NTN1: variants seen among roughly 807,000 people sequenced by gnomAD.
NTN1 encodes the protein netrin-1.
Under a neutral mutation model 54.2 loss-of-function variants are expected in NTN1, and 11 were observed. That is an observed-to-expected ratio of 0.20 (90% CI 0.13 to 0.34). The LOEUF is 0.34. Ranked by LOEUF, NTN1 falls within the 10% of genes least tolerant of loss-of-function variation. The probability of loss-of-function intolerance (pLI) is 1.00; values close to 1 mark genes in which losing one functional copy is unlikely to be tolerated. For missense variants in NTN1, 740 were observed against 893.1 expected (o/e 0.83, Z 2.18); for synonymous variants, 371 against 382.0 (o/e 0.97, Z 0.33).
chr17:9,191,865 T>TAAAAAA (rs60675960), intron 5 of NTN1, among the ~76,000 whole-genome samples: 11 of 89,180 alleles, frequency 1.2e-4, no homozygotes, highest in African/African-American at 4.8e-4. Context: ...TTATCGCTAC[T>TAAAAAA]AAAAAAAAAA....
chr17:9,065,926 A>G (rs191477088), intron 2 of NTN1, among the ~76,000 whole-genome samples: 74 of 152,368 alleles, frequency 4.9e-4, no homozygotes, highest in African/African-American at 1.5e-3. Flanking sequence ...TGGCTTCCCC[A>G]CTAGAATATC....
chr17:9,243,872 TTC>T lies in NTN1; in HGVS notation c.*3906_*3907del, dbSNP rs1463162250. The stretch of plus-strand genomic sequence containing the variant: ...ACATGGAAAAAGTTGTGGATTTTCT[TTC>T]TTTCCTTTTTTTTGGGGGGGGGTGG... On this transcript the variant is annotated 3_prime_UTR_variant, in exon 7 of 7. Transcript: ENST00000173229. The T allele has an allele frequency of 1.4e-5, 2 of 140,402 alleles. No homozygotes were observed. Among genetic ancestry groups the T allele is most frequent in the Non-Finnish European group, 3.1e-5 (2 of 64,512 alleles). 8.7% of individuals were successfully genotyped at this position (140,402 alleles called of 1,614,324 possible). A position where few individuals can be genotyped will look rare whatever the true frequency, so the allele number is the denominator to read the frequency against.
upstream of NTN1, among the ~76,000 whole-genome samples, chr17:9,020,590 A>C (rs775744197): frequency 2.6e-5 from 4 of 152,218 alleles, no homozygotes; most frequent in African/African-American, 7.2e-5. Flanking sequence ...CGGGACCCTC[A>C]GTTTCCTCAT....
chr17:9,003,140 G>T, the NTN1 span, among the ~76,000 whole-genome samples: 11 of 152,224 alleles, frequency 7.2e-5, no homozygotes, highest in African/African-American at 2.6e-4. The surrounding 1 kb of genome is among the most constrained non-coding windows in gnomAD (Gnocchi z 7.4). Context: ...CGGCGCCTCG[G>T]GGAGGTAAGT....
At chr17:9,193,933 A>AAAACAAAACAAACAAAC (rs901939164) in intron 5 of NTN1, among the ~76,000 whole-genome samples, 4 of 140,090 alleles carry the variant, frequency 2.9e-5, no homozygotes, top group African/African-American at 1.1e-4. Context: ...AAAAAAAAAA[A>AAAACAAAACAAACAAAC]AAAAAAAAAA....
intron 2 of NTN1, among the ~76,000 whole-genome samples, chr17:9,041,663 A>G (rs917944668): frequency 1.3e-5 from 2 of 152,122 alleles, no homozygotes; most frequent in Non-Finnish European, 2.9e-5. Context: ...TTTTGTGTGG[A>G]CATCTGCTTT....
chr17:9,128,422 G>A (rs1333742318), intron 2 of NTN1, among the ~76,000 whole-genome samples: 1 of 152,132 alleles, frequency 6.6e-6, no homozygotes, highest in East Asian at 1.9e-4. Flanking sequence ...GATGCTTCTG[G>A]CAACCAGCCC....
At chr17:9,144,050 C>T (rs1407964303) in intron 2 of NTN1, among the ~76,000 whole-genome samples, 1 of 152,078 alleles carries the variant, frequency 6.6e-6, no homozygotes, top group Non-Finnish European at 1.5e-5. Flanking sequence ...CACGCACCAC[C>T]ATGTCCGGCT....
chr17:9,210,432 A>ACC (rs750052683), intron 5 of NTN1, among the ~76,000 whole-genome samples: 97 of 77,414 alleles, frequency 1.3e-3, no homozygotes, highest in African/African-American at 5.7e-3. Context: ...ACACACACAC[A>ACC]CACCCCCACA....
chr17:9,075,776 G>A (rs764348401), intron 2 of NTN1, among the ~76,000 whole-genome samples: 29 of 152,192 alleles, frequency 1.9e-4, no homozygotes, highest in Admixed American at 1.6e-3. Flanking sequence ...CAGTCCCAGC[G>A]CTGCAGGGAA....
chr17:9,204,150 G>A (rs904749366), intron 5 of NTN1, among the ~76,000 whole-genome samples: 1 of 148,126 alleles, frequency 6.8e-6, no homozygotes, highest in African/African-American at 2.6e-5. Context: ...CAACAGGAGT[G>A]CAAGGATAGA....
chr17:9,225,163 G>A (rs903830037), intron 6 of NTN1, among the ~76,000 whole-genome samples: 1 of 152,110 alleles, frequency 6.6e-6, no homozygotes, highest in African/African-American at 2.4e-5. Flanking sequence ...GCTGAGGCAG[G>A]AGAATTGTTT....
intron 2 of NTN1, among the ~76,000 whole-genome samples, chr17:9,038,670 C>T (rs915111929): frequency 3.7e-4 from 57 of 152,264 alleles, no homozygotes; most frequent in African/African-American, 1.3e-3. Context: ...CTGTTCCCTC[C>T]CTCCTCCCAC....
intron 6 of NTN1, among the ~76,000 whole-genome samples, chr17:9,224,921 A>T (rs1905484510): frequency 6.6e-6 from 1 of 151,466 alleles, no homozygotes. Flanking sequence ...CAGGACTGAC[A>T]CTCTCCCTGT....
intron 2 of NTN1, among the ~76,000 whole-genome samples, chr17:9,114,162 A>ATATATATATATATATATATATAT (rs1180136945): frequency 1.3e-4 from 11 of 84,216 alleles, no homozygotes; most frequent in East Asian, 2.7e-4. Flanking sequence ...AGAAAAAAAA[A>ATATATATATATATATATATATAT]AAAAATATAT....
intron 5 of NTN1, among the ~76,000 whole-genome samples, chr17:9,194,481 A>G (rs531493761): frequency 1.3e-5 from 2 of 152,332 alleles, no homozygotes; most frequent in South Asian, 4.1e-4. Flanking sequence ...AAAGACATTC[A>G]GCAGTTATTT....
At chr17:9,234,122 G>C (rs1023283859) in intron 6 of NTN1, among the ~76,000 whole-genome samples, 1 of 152,234 alleles carries the variant, frequency 6.6e-6, no homozygotes, top group Non-Finnish European at 1.5e-5. Flanking sequence ...CCATGTGGGC[G>C]TCTCCTGTGG....
Position 9,043,681 on chromosome 17 carries a change from ATTCT to A in NTN1, c.1018+20295_1018+20298del, listed in dbSNP as rs543772080. Among the ~76,000 whole-genome samples, 1,510 of 151,866 alleles carry A rather than the reference ATTCT, an allele frequency of 9.9e-3. 27 individuals carry two copies. Among genetic ancestry groups the A allele is most frequent in the African/African-American group, 0.032 (1,328 of 41,422 alleles). ...AACCTCCACCTCCCGGGTTCAAGCA[ATTCT>A]TTCTGCTGCCTCAGCCTCCTGAGTA... On this transcript the variant is annotated intron_variant, in intron 2 of 6. Coordinates refer to ENST00000173229, the MANE Select transcript of NTN1 (RefSeq NM_004822.3).
chr17:9,186,653 C>G (rs892349690), intron 5 of NTN1, among the ~76,000 whole-genome samples: 1 of 152,232 alleles, frequency 6.6e-6, no homozygotes, highest in Non-Finnish European at 1.5e-5. Flanking sequence ...CTCCACAGAG[C>G]CCGGCAGCTG....
Sources: allele counts gnomAD v4.1 joint callset (sites outside exome capture counted in the v4.1 genomes callset), GRCh38; gene constraint gnomAD v4.1.1; non-coding constraint Gnocchi (gnomAD v3.1); transcripts MANE v1.5; gene names NCBI Gene and HGNC (gene_info 2026-07-23, HGNC 2026-07-21).